The following FRMD4A variants were observed in gnomAD, a reference collection of about 807,000 sequenced individuals.
FRMD4A encodes FERM domain containing 4A, also known as FERM domain-containing protein 4A.
FRMD4A carries 29 observed loss-of-function variants against 129.1 expected under a neutral mutation model. That is an observed-to-expected ratio of 0.22 (90% CI 0.17 to 0.31). FRMD4A has a LOEUF of 0.31. FRMD4A is among the 10% of genes least tolerant of loss of function. The pLI, the probability that FRMD4A is intolerant of heterozygous loss-of-function variation, is 1.00. For synonymous variants in FRMD4A, 634 were observed against 571.6 expected (o/e 1.11, Z -1.56); for missense variants, 1,272 against 1,375.8 (o/e 0.92, Z 1.19).
rs539223388 is a variant in FRMD4A at position 14,190,211 on chromosome 10, C to T, written c.45+139847G>A. ...CTCGCCCTAGCAGACGAGTTTGTTG[C>T]TCATCCTGAAGTGAAAACAGTAGTT... On this transcript the variant is annotated intron_variant, in intron 2 of 24. Coordinates refer to ENST00000357447, the MANE Select transcript of FRMD4A (RefSeq NM_018027.5). 1.5e-4 allele frequency among the ~76,000 whole-genome samples: 23 copies of T among 152,316 alleles called. No homozygotes were observed. The South Asian group carries it at 4.3e-3, about 29-fold the overall frequency.
intron 2 of FRMD4A, among the ~76,000 whole-genome samples, chr10:14,115,514 A>G (rs1205161508): frequency 2.6e-5 from 4 of 152,124 alleles, no homozygotes; most frequent in Non-Finnish European, 5.9e-5. Flanking sequence ...AAGTTTGGAT[A>G]TTTGTCCCCT....
intron 2 of FRMD4A, among the ~76,000 whole-genome samples, chr10:14,094,038 T>C (rs1836805229): frequency 6.6e-6 from 1 of 152,178 alleles, no homozygotes; most frequent in African/African-American, 2.4e-5. Flanking sequence ...GAAAAGGCCG[T>C]GGCAAGGACA....
intron 2 of FRMD4A, among the ~76,000 whole-genome samples, chr10:14,229,713 A>G (rs531939452): frequency 5.3e-5 from 8 of 152,328 alleles, no homozygotes; most frequent in African/African-American, 1.9e-4. Context: ...TGTTGGGATT[A>G]CAGGTGCGAG....
chr10:13,729,148 A>G (rs188038854), intron 12 of FRMD4A, among the ~76,000 whole-genome samples: 274 of 23,262 alleles, frequency 0.012, 1 homozygote, highest in African/African-American at 0.024. Context: ...GAAAGCGTTC[A>G]GGTCCACTCA....
intron 2 of FRMD4A, among the ~76,000 whole-genome samples, chr10:14,054,557 C>A (rs1333906451): frequency 6.6e-6 from 1 of 151,860 alleles, no homozygotes; most frequent in Non-Finnish European, 1.5e-5. Flanking sequence ...TCTACACAGC[C>A]AGCATCCTAT....
intron 2 of FRMD4A, among the ~76,000 whole-genome samples, chr10:13,958,789 T>C (rs1393889726): frequency 6.6e-6 from 1 of 151,664 alleles, no homozygotes; most frequent in Non-Finnish European, 1.5e-5. Flanking sequence ...TTCTCCATGT[T>C]GGTCAGGCTG....
chr10:13,827,317 C>G, intron 3 of FRMD4A, among the ~76,000 whole-genome samples: 1 of 152,128 alleles, frequency 6.6e-6, no homozygotes, highest in East Asian at 1.9e-4. Flanking sequence ...CATGGTCTAG[C>G]CCCCAGCAAA....
intron 2 of FRMD4A, among the ~76,000 whole-genome samples, chr10:13,955,179 C>T (rs1424074310): frequency 7.0e-6 from 1 of 142,830 alleles, no homozygotes; most frequent in Non-Finnish European, 1.5e-5. Context: ...TCAATCTCAG[C>T]TCACTGTAGC....
intron 2 of FRMD4A, among the ~76,000 whole-genome samples, chr10:14,242,222 C>T (rs141927236): frequency 7.9e-5 from 12 of 152,272 alleles, no homozygotes; most frequent in African/African-American, 2.6e-4. Context: ...CATCAGGGAT[C>T]GTATGGAGCA....
chr10:14,312,966 A>ATT (rs1846607065), intron 2 of FRMD4A, among the ~76,000 whole-genome samples: 1 of 152,230 alleles, frequency 6.6e-6, no homozygotes, highest in African/African-American at 2.4e-5. Context: ...ATACACAAGA[A>ATT]ACTAAAGTAT....
chr10:13,722,262 T>C (rs1161413235), intron 12 of FRMD4A, among the ~76,000 whole-genome samples: 1 of 149,558 alleles, frequency 6.7e-6, no homozygotes, highest in Non-Finnish European at 1.5e-5. Flanking sequence ...CTCAGGGTCT[T>C]GTTCTGTTGC....
chr10:13,883,506 C>CA (rs1429031639), intron 2 of FRMD4A, among the ~76,000 whole-genome samples: 316 of 147,656 alleles, frequency 2.1e-3, no homozygotes, highest in Admixed American at 4.3e-3. Flanking sequence ...AACAAACAAA[C>CA]AAAAAAAACC....
chr10:13,732,324 CT>C (rs1027590253), intron 12 of FRMD4A, among the ~76,000 whole-genome samples: 1 of 59,612 alleles, frequency 1.7e-5, no homozygotes, highest in African/African-American at 6.1e-5. Context: ...TTTGTTTGGG[CT>C]TTTTTGTGGG....
intron 14 of FRMD4A, among the ~76,000 whole-genome samples, chr10:13,700,511 T>C (rs1023889115): frequency 6.6e-6 from 1 of 152,148 alleles, no homozygotes; most frequent in Non-Finnish European, 1.5e-5. Context: ...TCAGTCTGTA[T>C]TCCCCCAGCC....
At chr10:13,976,775 C>T (rs2095543538) in intron 2 of FRMD4A, among the ~76,000 whole-genome samples, 2 of 152,168 alleles carry the variant, frequency 1.3e-5, no homozygotes, top group South Asian at 4.1e-4. Flanking sequence ...TGTAACCCAT[C>T]TTAATCATTC....
intron 2 of FRMD4A, among the ~76,000 whole-genome samples, chr10:14,192,700 G>A (rs1842354617): frequency 6.6e-6 from 1 of 152,174 alleles, no homozygotes; most frequent in African/African-American, 2.4e-5. Flanking sequence ...GTACATCAGT[G>A]AACATGGTAT....
At chr10:14,013,574 A>G (rs2095688852) in intron 2 of FRMD4A, among the ~76,000 whole-genome samples, 1 of 152,110 alleles carries the variant, frequency 6.6e-6, no homozygotes. Context: ...CCCAGCAAAA[A>G]ACCCACAAGG....
At chr10:14,108,325 A>AT (rs1382944743) in intron 2 of FRMD4A, among the ~76,000 whole-genome samples, 2 of 152,234 alleles carry the variant, frequency 1.3e-5, no homozygotes, top group Non-Finnish European at 2.9e-5. Context: ...GATTAAGTGC[A>AT]TTTGAGCAGA....
chr10:13,948,366 C>T (rs1384272725), intron 2 of FRMD4A, among the ~76,000 whole-genome samples: 1 of 151,588 alleles, frequency 6.6e-6, no homozygotes, highest in Admixed American at 6.6e-5. Flanking sequence ...ATCTATTTTA[C>T]ATATTCGGAG....
Sources: gnomAD v4.1 joint callset for allele counts (sites outside exome capture counted in the v4.1 genomes callset) on GRCh38, gnomAD v4.1.1 for gene constraint, MANE v1.5 for transcripts, NCBI Gene and HGNC (gene_info 2026-07-23, HGNC 2026-07-21) for gene names.